RAB24: variants seen among roughly 807,000 people sequenced by gnomAD.
RAB24 encodes ras-related protein Rab-24.
A neutral mutation model predicts 31.4 loss-of-function variants in RAB24; 9 were observed. That is an observed-to-expected ratio of 0.29 (90% CI 0.17 to 0.50). The LOEUF (loss-of-function observed/expected upper bound fraction) is 0.50. RAB24 is among the 20% of genes least tolerant of loss of function. The pLI, the probability that RAB24 is intolerant of heterozygous loss-of-function variation, is 0.98. For synonymous variants in RAB24, 106 were observed against 94.1 expected (o/e 1.13, Z -0.73); for missense variants, 197 against 265.2 (o/e 0.74, Z 1.79).
rs1193802287 is a variant in RAB24 at position 177,302,390 on chromosome 5, C to CAGCT, written c.433+3_433+6dup. 17 of 1,612,980 alleles carry CAGCT rather than the reference C, an allele frequency of 1.1e-5. No homozygotes were observed. Among genetic ancestry groups the CAGCT allele is most frequent in the Non-Finnish European group, 1.4e-5 (17 of 1,179,904 alleles). On this transcript the variant is annotated splice_region_variant and intron_variant, in intron 5 of 7. Transcript: ENST00000303251. Reference sequence around the variant, plus strand: ...CCCCACCCCCCAAAGGGCTGAGGAGCAGCTACTGTCTGCATAGTCCTGGAC... The same window carrying CAGCT: ...CCCCACCCCCCAAAGGGCTGAGGAGCAGCTAGCTACTGTCTGCATAGTCCTGGAC...
Position 177,301,202 on chromosome 5 carries a change from G to A in RAB24, c.*541C>T, listed in dbSNP as rs1386307511. On this transcript the variant is annotated 3_prime_UTR_variant, in exon 8 of 8. Coordinates refer to ENST00000303251, the MANE Select transcript of RAB24 (RefSeq NM_001031677.4). ...AGCTAGTCAGACCAACCTGTCTCAG[G>A]TAGGAATGCTTGACCCTTTTATTTC... 1 of 162,482 alleles carries A rather than the reference G, an allele frequency of 6.2e-6. No individual in the cohort carries two copies. The highest frequency in any genetic ancestry group is 1.4e-5 in the Non-Finnish European group (1 of 73,124). 10.1% of individuals were successfully genotyped at this position (162,482 alleles called of 1,614,324 possible). A position where few individuals can be genotyped will look rare whatever the true frequency, so the allele number is the denominator to read the frequency against.
chr5:177,301,898 C>T, intron 7 of RAB24, 27 bp downstream of exon 7: 1 of 1,613,570 alleles, frequency 6.2e-7, no homozygotes, highest in East Asian at 2.2e-5. Flanking sequence ...TAGAGTAAGT[C>T]TCCATAAAGG....
chr5:177,303,708 A>AG lies in RAB24; in HGVS notation c.-421dup, dbSNP rs1554089309. ...CCCGCAGCGCCGCGACTCCCGCGGG[A>AG]GGGGGCTAGAGGGCGAGGGGGCGGG... On this transcript the variant is annotated 5_prime_UTR_variant, in exon 1 of 8. Coordinates refer to ENST00000303251, the MANE Select transcript of RAB24 (RefSeq NM_001031677.4). The surrounding 1 kb of genome is among the most constrained non-coding windows in gnomAD (Gnocchi z 6.1). 6 of 355,682 alleles carry AG rather than the reference A, an allele frequency of 1.7e-5. No homozygotes were observed. Among genetic ancestry groups the AG allele is most frequent in the Admixed American group, 4.7e-5 (1 of 21,292 alleles). The allele number at this position is 355,682 out of a possible 1,614,324, so 22.0% of individuals were successfully genotyped here.
Position 177,303,032 on chromosome 5 carries a change from G to C in RAB24, c.163C>G (p.Arg55Gly). 1.2e-6 allele frequency: 2 copies of C among 1,614,082 alleles called. No homozygotes were observed. Among genetic ancestry groups the C allele is most frequent in the Non-Finnish European group, 1.7e-6 (2 of 1,180,036 alleles). ...FVAKVMSVGD[R>G]TVTLGIWDTA... Reference sequence around the variant, plus strand: ...ACCCAAATACCTAATGTCACAGTCCGGTCTCCGACCGACATCACCTTGGCC... The same window carrying C: ...ACCCAAATACCTAATGTCACAGTCCCGTCTCCGACCGACATCACCTTGGCC... Residue 55 changes from arginine to glycine, a missense_variant, in exon 2 of 8, where the codon CGG becomes GGG. Arg to Gly is a moderately radical substitution (Grantham distance 125). Around this residue, in one of 2 missense-constraint regions of RAB24, gnomAD observed 49 missense variants for 105.5 expected, o/e 0.46. Coordinates refer to ENST00000303251, the MANE Select transcript of RAB24 (RefSeq NM_001031677.4). This position sits in a 1 kb window ranked among gnomAD's most constrained non-coding sequence, Gnocchi z 6.1.
chr5:177,302,294 C>T, intron 5 of RAB24, 103 bp downstream of exon 5: 2 of 1,558,692 alleles, frequency 1.3e-6, no homozygotes, highest in South Asian at 1.1e-5. Flanking sequence ...CCAGGAAGAC[C>T]TCCTAGAGCA....
Position 177,303,388 on chromosome 5 carries a change from G to A in RAB24, c.-100C>T. 1 of 1,172,424 alleles carries A rather than the reference G, an allele frequency of 8.5e-7. No individual in the cohort carries two copies. Among genetic ancestry groups the A allele is most frequent in the Non-Finnish European group, 1.2e-6 (1 of 806,718 alleles). The allele number at this position is 1,172,424 out of a possible 1,614,324, so 72.6% of individuals were successfully genotyped here. On this transcript the variant is annotated 5_prime_UTR_variant, in exon 1 of 8. Transcript: ENST00000303251. This position sits in a 1 kb window ranked among gnomAD's most constrained non-coding sequence, Gnocchi z 6.1. The stretch of plus-strand genomic sequence containing the variant: ...AGGCAGCGCCCAAGCCTCAGACCCC[G>A]ACCCCAAACGGCGCCAACCTACGAC...
intron 5 of RAB24, 104 bp downstream of exon 5, chr5:177,302,293 C>A: frequency 6.4e-7 from 1 of 1,556,756 alleles, no homozygotes; most frequent in African/African-American, 1.4e-5. Context: ...GCCAGGAAGA[C>A]CTCCTAGAGC....
chr5:177,303,238 G>A lies in RAB24; in HGVS notation c.51C>T (p.Tyr17=). 1.2e-6 allele frequency: 2 copies of A among 1,613,716 alleles called. No homozygotes were observed. The highest frequency in any genetic ancestry group is 1.7e-6 in the Non-Finnish European group (2 of 1,180,014). The change falls in exon 1 of 8, where the codon TAC becomes TAT. Residue 17 remains tyrosine (Y), a synonymous_variant. Transcript: ENST00000303251. This position sits in a 1 kb window ranked among gnomAD's most constrained non-coding sequence, Gnocchi z 6.1. ...GCTCCACCAGGCTAGTCTTGCCCACGTACTCCTTGCCCAGCATCACCACCT... is the reference window on the plus strand; with the variant it reads ...GCTCCACCAGGCTAGTCTTGCCCACATACTCCTTGCCCAGCATCACCACCT... ...DVKVVMLGKE[Y]VGKTSLVERY...
chr5:177,302,081 T>G (rs1263136719), intron 6 of RAB24, 47 bp downstream of exon 6: 1 of 1,612,102 alleles, frequency 6.2e-7, no homozygotes, highest in Non-Finnish European at 8.5e-7. Flanking sequence ...CAGCTTCCTC[T>G]GGTGCCCCTG....
chr5:177,302,333 A>G, intron 5 of RAB24, 64 bp downstream of exon 5: 1 of 1,591,108 alleles, frequency 6.3e-7, no homozygotes, highest in Non-Finnish European at 8.6e-7. Flanking sequence ...GGCAGTCCCT[A>G]TTTTCTTTGA....
rs1760632718 is a variant in RAB24, at chr5:177,301,279, T to G, written c.*464A>C. 1 of 183,594 alleles carries G rather than the reference T, an allele frequency of 5.4e-6. No individual in the cohort carries two copies. Among genetic ancestry groups the G allele is most frequent in the South Asian group, 9.5e-5 (1 of 10,518 alleles). 11.4% of individuals were successfully genotyped at this position (183,594 alleles called of 1,614,324 possible). A position where few individuals can be genotyped will look rare whatever the true frequency, so the allele number is the denominator to read the frequency against. ...ACTCAGAAGGAACTGTGAGCTTTTA[T>G]ACTACTACAGCCCCAGTATCTCAGC... On this transcript the variant is annotated 3_prime_UTR_variant, in exon 8 of 8. Transcript: ENST00000303251.
Position 177,303,134 on chromosome 5 carries a change from C to A in RAB24, c.117+38G>T. 2.5e-6 allele frequency: 4 copies of A among 1,613,406 alleles called. No individual in the cohort carries two copies. The highest frequency in any genetic ancestry group is 3.4e-6 in the Non-Finnish European group (4 of 1,179,664). On this transcript the variant is annotated intron_variant, in intron 1 of 7. Coordinates refer to ENST00000303251, the MANE Select transcript of RAB24 (RefSeq NM_001031677.4). The surrounding 1 kb of genome is among the most constrained non-coding windows in gnomAD (Gnocchi z 6.1). Reference sequence around the variant, plus strand: ...GGTGCAGATTACCGGCCCCCCACTCCCCCGCCCACCGTGCCTGGCCCCTCC... The same window carrying A: ...GGTGCAGATTACCGGCCCCCCACTCACCCGCCCACCGTGCCTGGCCCCTCC...
Position 177,303,339 on chromosome 5 carries a change from C to T in RAB24, c.-51G>A, listed in dbSNP as rs765120697. ...CAGGGTCCTGAGCGGGGACGGGAGG[C>T]AAACCCCGATCTCCGCTCGGCCCAG... On this transcript the variant is annotated 5_prime_UTR_variant, in exon 1 of 8. Transcript: ENST00000303251. This position sits in a 1 kb window ranked among gnomAD's most constrained non-coding sequence, Gnocchi z 6.1. The T allele has an allele frequency of 2.5e-6, 4 of 1,570,346 alleles. No homozygotes were observed. The highest frequency in any genetic ancestry group is 2.7e-5 in the African/African-American group (2 of 74,290).
In RAB24 at chr5:177,302,640, G is replaced by A; in HGVS notation, c.270C>T (p.Leu90=). 3 of 1,614,100 alleles carry A rather than the reference G, an allele frequency of 1.9e-6. No homozygotes were observed. The highest frequency in any genetic ancestry group is 1.7e-6 in the Non-Finnish European group (2 of 1,180,016). Residue 90 remains leucine (L), a synonymous_variant, in exon 4 of 8, where the codon CTC becomes CTT. Coordinates refer to ENST00000303251, the MANE Select transcript of RAB24 (RefSeq NM_001031677.4). The stretch of plus-strand genomic sequence containing the variant: ...CTCGCTCAAAGCTGCTGCTGTCTGT[G>A]AGGTCTTGGTGTGCGGCATGCAGGA... ...GAKAAIVCYD[L]TDSSSFERAK...
In RAB24 at chr5:177,301,513, C is replaced by A. The variant is rs1213714621; in HGVS notation, c.*230G>T. The A allele has an allele frequency of 1.0e-5, 6 of 586,706 alleles. No homozygotes were observed. Among genetic ancestry groups the A allele is most frequent in the Non-Finnish European group, 1.5e-5 (5 of 329,088 alleles). 36.3% of individuals were successfully genotyped at this position (586,706 alleles called of 1,614,324 possible). A position where few individuals can be genotyped will look rare whatever the true frequency, so the allele number is the denominator to read the frequency against. On this transcript the variant is annotated 3_prime_UTR_variant, in exon 8 of 8. Coordinates refer to ENST00000303251, the MANE Select transcript of RAB24 (RefSeq NM_001031677.4). Reference sequence around the variant, plus strand: ...AAGCCACTTAAATAATCTGCAGACACAAGTGCTGTCCAGGGCAGAAGCCTG... The same window carrying A: ...AAGCCACTTAAATAATCTGCAGACAAAAGTGCTGTCCAGGGCAGAAGCCTG...
chr5:177,301,689 G>C lies in RAB24; in HGVS notation c.*54C>G. The C allele has an allele frequency of 6.3e-7, 1 of 1,597,082 alleles. No homozygotes were observed. The highest frequency in any genetic ancestry group is 8.6e-7 in the Non-Finnish European group (1 of 1,164,770). ...CTACCCAAGCCCAGAAAGGAGCTGGGTCCAGCCCTTACGGGGAATTCCTTT... is the reference window on the plus strand; with the variant it reads ...CTACCCAAGCCCAGAAAGGAGCTGGCTCCAGCCCTTACGGGGAATTCCTTT... On this transcript the variant is annotated 3_prime_UTR_variant, in exon 8 of 8. Coordinates refer to ENST00000303251, the MANE Select transcript of RAB24 (RefSeq NM_001031677.4).
rs896301262 is a variant in RAB24, at chr5:177,301,594, C to T, written c.*149G>A. 9.1e-5 allele frequency: 78 copies of T among 853,958 alleles called. 1 individual carries two copies. The highest frequency in any genetic ancestry group is 2.9e-4 in the African/African-American group (17 of 58,972). 52.9% of individuals were successfully genotyped at this position (853,958 alleles called of 1,614,324 possible). On this transcript the variant is annotated 3_prime_UTR_variant, in exon 8 of 8. Coordinates refer to ENST00000303251, the MANE Select transcript of RAB24 (RefSeq NM_001031677.4). Reference sequence around the variant, plus strand: ...CCCACAGTCAGCCCAATGCTGTCTCCGTTCCATGGGCCAGCACAGGCAGGC... The same window carrying T: ...CCCACAGTCAGCCCAATGCTGTCTCTGTTCCATGGGCCAGCACAGGCAGGC...
chr5:177,301,786 C>G lies in RAB24; in HGVS notation c.569G>C (p.Gly190Ala). ...GTAGAAGTAGGGGTTTGGCTTCTGG[C>G]CCAGATCCACGCCCTTGTCCTCTGT... is the stretch of plus-strand genomic sequence containing the variant. ...VMTEDKGVDL[G>A]QKPNPYFYSC... The change falls in exon 8 of 8, where the codon GGC becomes GCC. Residue 190 changes from glycine to alanine, a missense_variant. Physicochemically the swap from Gly to Ala is moderately conservative, Grantham distance 60. Coordinates refer to ENST00000303251, the MANE Select transcript of RAB24 (RefSeq NM_001031677.4). The G allele has an allele frequency of 6.2e-7, 1 of 1,614,172 alleles. No homozygotes were observed. The highest frequency in any genetic ancestry group is 8.5e-7 in the Non-Finnish European group (1 of 1,180,014).
chr5:177,303,375 A>G lies in RAB24; in HGVS notation c.-87T>C, dbSNP rs538647357. The stretch of plus-strand genomic sequence containing the variant: ...CTCCGCTCGGCCCAGGCAGCGCCCA[A>G]GCCTCAGACCCCGACCCCAAACGGC... On this transcript the variant is annotated 5_prime_UTR_variant, in exon 1 of 8. Transcript: ENST00000303251. The surrounding 1 kb of genome is among the most constrained non-coding windows in gnomAD (Gnocchi z 6.1). 1 of 1,342,440 alleles carries G rather than the reference A, an allele frequency of 7.4e-7. No individual in the cohort carries two copies. 83.2% of individuals were successfully genotyped at this position (1,342,440 alleles called of 1,614,324 possible). A position where few individuals can be genotyped will look rare whatever the true frequency, so the allele number is the denominator to read the frequency against.
Sources: gnomAD v4.1 joint callset for allele counts on GRCh38, gnomAD v4.1.1 for gene constraint, gnomAD v4.1.1 regional missense constraint, Gnocchi (gnomAD v3.1) non-coding constraint, MANE v1.5 for transcripts, NCBI Gene and HGNC (gene_info 2026-07-23, HGNC 2026-07-21) for gene names.